The following LRRTM3 variants were observed in gnomAD, a reference collection of about 807,000 sequenced individuals.
The protein encoded by LRRTM3 is leucine rich repeat transmembrane neuronal 3.
LRRTM3 carries 24 observed loss-of-function variants against 44.7 expected under a neutral mutation model. The ratio of observed to expected loss-of-function variants is 0.54; its 90% CI spans 0.39 to 0.76. The LOEUF is 0.76. Among genes scored for constraint, LRRTM3 ranks in the 30% least tolerant of loss-of-function variants. LRRTM3 has a pLI of 0.00. For synonymous variants in LRRTM3, 277 were observed against 278.7 expected (o/e 0.99, Z 0.06); for missense variants, 587 against 702.2 (o/e 0.84, Z 1.85).
At chr10:67,096,141 A>T (rs548126872) in intron 2 of LRRTM3, among the ~76,000 whole-genome samples, 11 of 151,910 alleles carry the variant, frequency 7.2e-5, no homozygotes, top group Admixed American at 1.3e-4. Flanking sequence ...AGCTATATAT[A>T]TTTTATATGC....
intron 2 of LRRTM3, among the ~76,000 whole-genome samples, chr10:66,997,043 T>C (rs1851393916): frequency 6.6e-6 from 1 of 152,212 alleles, no homozygotes; most frequent in Admixed American, 6.5e-5. Flanking sequence ...GATCTGTTTA[T>C]ATTAATACTA....
intron 1 of LRRTM3, 73 bp downstream of exon 1, chr10:66,926,660 C>A: frequency 6.6e-7 from 1 of 1,520,322 alleles, no homozygotes; most frequent in South Asian, 1.1e-5. Flanking sequence ...TGTAATAATT[C>A]TGCCTTAATT....
chr10:66,967,327 T>C (rs1034900685), intron 2 of LRRTM3, among the ~76,000 whole-genome samples: 4 of 144,388 alleles, frequency 2.8e-5, no homozygotes, highest in African/African-American at 5.0e-5. Context: ...TAGATATGGA[T>C]ATAGACATAT....
chr10:67,013,724 A>C (rs189961437), intron 2 of LRRTM3, among the ~76,000 whole-genome samples: 1 of 152,332 alleles, frequency 6.6e-6, no homozygotes, highest in East Asian at 1.9e-4. Context: ...CAGTATAATC[A>C]AAATTTTCCT....
intron 2 of LRRTM3, among the ~76,000 whole-genome samples, chr10:67,004,594 G>T (rs114908690): frequency 0.018 from 2,752 of 151,858 alleles, 87 homozygotes; most frequent in African/African-American, 0.062. Flanking sequence ...ACCTTGATCC[G>T]TTCTAATAGA....
At chr10:66,935,019 T>A (rs1475542367) in intron 2 of LRRTM3, among the ~76,000 whole-genome samples, 2 of 152,104 alleles carry the variant, frequency 1.3e-5, no homozygotes, top group African/African-American at 2.4e-5. Flanking sequence ...TTGAGTGGTG[T>A]TCATAGCTTC....
intron 2 of LRRTM3, among the ~76,000 whole-genome samples, chr10:67,049,508 C>T (rs1210179519): frequency 6.6e-6 from 1 of 151,986 alleles, no homozygotes; most frequent in Non-Finnish European, 1.5e-5. Flanking sequence ...ATTTACTCAC[C>T]CAGTTTACTG....
At position 67,101,375 on chromosome 10, in the gene LRRTM3, CT is replaced by C. The variant is rs1463165719; in HGVS notation, c.*3586del. ...GGAAGACTTACATAAAATTCTTTTT[CT>C]TTTTTTCTTTTGGCAAGATTTCTTC... On this transcript the variant is annotated 3_prime_UTR_variant, in exon 3 of 3. Coordinates refer to ENST00000361320, the MANE Select transcript of LRRTM3 (RefSeq NM_178011.5). Among the ~76,000 whole-genome samples the C allele has an allele frequency of 1.3e-5, 2 of 151,586 alleles. No individual in the cohort carries two copies. Among genetic ancestry groups the C allele is most frequent in the African/African-American group, 2.4e-5 (1 of 41,354 alleles).
intron 2 of LRRTM3, among the ~76,000 whole-genome samples, chr10:67,042,377 G>C (rs1049114399): frequency 6.6e-6 from 1 of 152,114 alleles, no homozygotes; most frequent in Non-Finnish European, 1.5e-5. Context: ...CAAGTTTCTG[G>C]TTTGGATAAG....
intron 2 of LRRTM3, among the ~76,000 whole-genome samples, chr10:67,001,298 TA>T (rs568002651): frequency 0.019 from 1,785 of 93,282 alleles, 29 homozygotes; most frequent in African/African-American, 0.055. Context: ...AGACTCTGTC[TA>T]AAAAAAAAAA....
intron 2 of LRRTM3, among the ~76,000 whole-genome samples, chr10:67,090,777 T>C (rs1857585438): frequency 6.6e-6 from 1 of 152,030 alleles, no homozygotes; most frequent in African/African-American, 2.4e-5. Context: ...CCACAGCTTC[T>C]TCAGGTGGCT....
intron 2 of LRRTM3, among the ~76,000 whole-genome samples, chr10:66,997,453 A>G (rs1016798183): frequency 6.6e-6 from 1 of 152,224 alleles, no homozygotes; most frequent in Admixed American, 6.5e-5. Flanking sequence ...AACTGATAAA[A>G]CAATAACATT....
At chr10:67,077,570 C>G (rs1332973515) in intron 2 of LRRTM3, among the ~76,000 whole-genome samples, 1 of 152,088 alleles carries the variant, frequency 6.6e-6, no homozygotes, top group Non-Finnish European at 1.5e-5. Context: ...CTACTTGATT[C>G]ATTCATCTCA....
At chr10:67,013,498 G>A (rs192319353) in intron 2 of LRRTM3, among the ~76,000 whole-genome samples, 21 of 152,214 alleles carry the variant, frequency 1.4e-4, no homozygotes, top group African/African-American at 4.1e-4. Flanking sequence ...GTCCATTCAC[G>A]TGCTGTGCAA....
At position 66,926,067 on chromosome 10, in the gene LRRTM3, T is replaced by G. The variant is rs1564770756; in HGVS notation, c.-517T>G. ...CCGAGCAGCTTTCAGAATGACAGTCTGCAGAAGTGAGCTGAGCGTGTGCGC... is the reference window on the plus strand; with the variant it reads ...CCGAGCAGCTTTCAGAATGACAGTCGGCAGAAGTGAGCTGAGCGTGTGCGC... On this transcript the variant is annotated 5_prime_UTR_variant, in exon 1 of 3. Transcript: ENST00000361320. The G allele has an allele frequency of 2.2e-6, 1 of 457,394 alleles. No individual in the cohort carries two copies. Among genetic ancestry groups the G allele is most frequent in the Non-Finnish European group, 4.4e-6 (1 of 227,470 alleles). The allele number at this position is 457,394 out of a possible 1,614,324, so 28.3% of individuals were successfully genotyped here.
chr10:67,087,681 C>T (rs935217323), intron 2 of LRRTM3, among the ~76,000 whole-genome samples: 3 of 151,730 alleles, frequency 2.0e-5, no homozygotes, highest in East Asian at 1.9e-4. Context: ...TCATTTTAGC[C>T]CTCTACCTCT....
At chr10:67,074,938 G>A (rs190705939) in intron 2 of LRRTM3, among the ~76,000 whole-genome samples, 149 of 152,194 alleles carry the variant, frequency 9.8e-4, no homozygotes, top group Non-Finnish European at 1.5e-3. Flanking sequence ...CTGAAAATGG[G>A]TAGCTCTCTA....
chr10:67,077,652 C>T (rs1028750455), intron 2 of LRRTM3, among the ~76,000 whole-genome samples: 1 of 152,106 alleles, frequency 6.6e-6, no homozygotes, highest in African/African-American at 2.4e-5. Flanking sequence ...CTGTATTTTT[C>T]CTCTGTAACC....
intron 2 of LRRTM3, among the ~76,000 whole-genome samples, chr10:66,973,119 TG>T (rs1159076398): frequency 1.3e-5 from 2 of 152,200 alleles, no homozygotes; most frequent in African/African-American, 4.8e-5. Context: ...TAAGATCAAA[TG>T]AACAGTTCTT....
Sources: allele counts gnomAD v4.1 joint callset (sites outside exome capture counted in the v4.1 genomes callset), GRCh38; gene constraint gnomAD v4.1.1; transcripts MANE v1.5; gene names NCBI Gene and HGNC (gene_info 2026-07-23, HGNC 2026-07-21).